TBCEL: variants seen among roughly 807,000 people sequenced by gnomAD.
TBCEL encodes the protein tubulin folding cofactor E like.
TBCEL carries 15 observed loss-of-function variants against 44.2 expected under a neutral mutation model. The ratio of observed to expected loss-of-function variants is 0.34; its 90% CI spans 0.23 to 0.52. The LOEUF is 0.52. Among genes scored for constraint, TBCEL ranks in the 20% least tolerant of loss-of-function variants. The pLI is 0.95. For missense variants in TBCEL, 319 were observed against 506.3 expected (o/e 0.63, Z 3.55); for synonymous variants, 171 against 185.4 (o/e 0.92, Z 0.63).
intron 4 of TBCEL, among the ~76,000 whole-genome samples, chr11:121,051,545 G>C (rs1355939118): frequency 6.6e-6 from 1 of 151,736 alleles, no homozygotes; most frequent in African/African-American, 2.4e-5. Flanking sequence ...ATGCAGTACA[G>C]ATTGGTTCCT....
intron 8 of TBCEL, among the ~76,000 whole-genome samples, chr11:121,086,535 T>C (rs1325148163): frequency 6.6e-6 from 1 of 152,232 alleles, no homozygotes; most frequent in Non-Finnish European, 1.5e-5. Flanking sequence ...CTAAGCCTGT[T>C]CTTATGTAAT....
chr11:121,035,045 G>T (rs2134888376), intron 1 of TBCEL, among the ~76,000 whole-genome samples: 1 of 152,232 alleles, frequency 6.6e-6, no homozygotes, highest in African/African-American at 2.4e-5. Flanking sequence ...CTAAAAATTA[G>T]CTTATTTAAC....
chr11:121,070,849 G>T (rs572078764), intron 8 of TBCEL, among the ~76,000 whole-genome samples: 14 of 146,928 alleles, frequency 9.5e-5, no homozygotes, highest in Admixed American at 2.0e-4. Flanking sequence ...AAAAAAAAAA[G>T]GCAGCAGCTG....
At chr11:121,061,471 G>A (rs1945720527) in intron 8 of TBCEL, among the ~76,000 whole-genome samples, 1 of 151,866 alleles carries the variant, frequency 6.6e-6, no homozygotes, top group Non-Finnish European at 1.5e-5. Context: ...CATGTTCTGA[G>A]AAATTTATCA....
intron 2 of TBCEL, among the ~76,000 whole-genome samples, chr11:121,037,581 C>T (rs1389536592): frequency 2.0e-5 from 3 of 152,208 alleles, no homozygotes; most frequent in Non-Finnish European, 2.9e-5. Context: ...TAATGGAATA[C>T]TTTATAAACC....
intron 1 of TBCEL, chr11:121,036,105 C>T (rs1366722082): frequency 1.3e-5 from 2 of 152,130 alleles, no homozygotes; most frequent in Admixed American, 6.5e-5. Flanking sequence ...CCCCCAGTTT[C>T]GTATCCTGTA....
intron 7 of TBCEL, 148 bp from the exon 8 acceptor site, chr11:121,059,821 G>T: frequency 1.7e-6 from 1 of 594,414 alleles, no homozygotes. Flanking sequence ...GACCACTTTA[G>T]TTCATGTCAG....
chr11:121,068,096 G>T (rs982733260), intron 8 of TBCEL, among the ~76,000 whole-genome samples: 1 of 152,132 alleles, frequency 6.6e-6, no homozygotes, highest in Non-Finnish European at 1.5e-5. Context: ...TCTGTATTCT[G>T]ATAACTGCCA....
chr11:121,082,316 C>A (rs1416102161), intron 8 of TBCEL, among the ~76,000 whole-genome samples: 1 of 152,138 alleles, frequency 6.6e-6, no homozygotes, highest in African/African-American at 2.4e-5. Flanking sequence ...CAGGTACAGT[C>A]AGAATGGTGG....
Position 121,087,364 on chromosome 11 carries a change from C to G in TBCEL, c.*268C>G. 2.4e-6 allele frequency: 1 copy of G among 419,846 alleles called. No homozygotes were observed. Among genetic ancestry groups the G allele is most frequent in the Non-Finnish European group, 4.3e-6 (1 of 231,242 alleles). 26.0% of individuals were successfully genotyped at this position (419,846 alleles called of 1,614,324 possible). ...TAAGGAAAGATGACAAAGAAATCAC[C>G]GACTTCTTACTGTGTTCACTGGGAT... is the stretch of plus-strand genomic sequence containing the variant. On this transcript the variant is annotated 3_prime_UTR_variant, in exon 9 of 9. Transcript: ENST00000683345.
At chr11:121,072,513 CTA>C (rs1191681951) in intron 8 of TBCEL, among the ~76,000 whole-genome samples, 2 of 151,896 alleles carry the variant, frequency 1.3e-5, no homozygotes, top group African/African-American at 4.8e-5. Flanking sequence ...ACTCTCAGTC[CTA>C]TTTCTTACTC....
chr11:121,047,497 T>C lies in TBCEL; in HGVS notation c.134-31T>C, dbSNP rs749460657. On this transcript the variant is annotated intron_variant, in intron 3 of 8. Transcript: ENST00000683345. ...TATGTAGACAAGAATTTGGCTGATA[T>C]AGAAAACATTTTGTGTCTCTCATCA... 53 of 1,608,268 alleles carry C rather than the reference T, an allele frequency of 3.3e-5. 1 individual carries two copies. The highest frequency in any genetic ancestry group is 1.5e-4 in the South Asian group (14 of 90,820).
intron 2 of TBCEL, among the ~76,000 whole-genome samples, chr11:121,039,589 A>T (rs1945295239): frequency 6.6e-6 from 1 of 152,232 alleles, no homozygotes; most frequent in Admixed American, 6.5e-5. Flanking sequence ...AATGGGGGAA[A>T]TAAACCTAAT....
intron 8 of TBCEL, among the ~76,000 whole-genome samples, chr11:121,061,955 C>T (rs957611535): frequency 2.0e-5 from 3 of 152,160 alleles, no homozygotes; most frequent in South Asian, 2.1e-4. Context: ...TTTTTTAAAA[C>T]GTTTTGACTC....
intron 2 of TBCEL, among the ~76,000 whole-genome samples, chr11:121,042,429 G>A (rs1025682686): frequency 3.3e-5 from 5 of 152,202 alleles, no homozygotes; most frequent in Middle Eastern, 3.4e-3. Context: ...AGTTCCGAAA[G>A]CCCTAGCTGA....
chr11:121,056,939 A>G (rs1321161527), intron 6 of TBCEL, among the ~76,000 whole-genome samples: 1 of 151,652 alleles, frequency 6.6e-6, no homozygotes, highest in Non-Finnish European at 1.5e-5. Flanking sequence ...TTTTTTTCTC[A>G]TTCTCTTGAT....
chr11:121,062,383 C>A (rs1859031884), intron 8 of TBCEL, among the ~76,000 whole-genome samples: 1 of 151,984 alleles, frequency 6.6e-6, no homozygotes, highest in Admixed American at 6.6e-5. Flanking sequence ...CATTGATTAT[C>A]CAGTATTATG....
chr11:121,066,112 G>A (rs917587931), intron 8 of TBCEL, among the ~76,000 whole-genome samples: 10 of 152,186 alleles, frequency 6.6e-5, no homozygotes, highest in Non-Finnish European at 2.9e-5. Context: ...CAGGATTGAT[G>A]GGAAGCAGGG....
At chr11:121,084,138 C>G (rs748097714) in intron 8 of TBCEL, among the ~76,000 whole-genome samples, 30 of 152,306 alleles carry the variant, frequency 2.0e-4, no homozygotes, top group Admixed American at 2.6e-4. Context: ...AAGGTGCCCC[C>G]TGTCAGCACT....
Sources: allele counts gnomAD v4.1 joint callset (sites outside exome capture counted in the v4.1 genomes callset), GRCh38; gene constraint gnomAD v4.1.1; transcripts MANE v1.5; gene names NCBI Gene and HGNC (gene_info 2026-07-23, HGNC 2026-07-21).